The following PNPLA5 variants were observed in gnomAD, a reference collection of about 807,000 sequenced individuals.
The protein encoded by PNPLA5 is patatin-like phospholipase domain-containing protein 5.
PNPLA5 carries 44 observed loss-of-function variants against 49.1 expected under a neutral mutation model. The observed-to-expected ratio is 0.90, with a 90% CI of 0.70 to 1.15. The LOEUF is 1.15. Among genes scored for constraint, PNPLA5 ranks in the 50% most tolerant of loss-of-function variants. PNPLA5 has a pLI of 0.00. For synonymous variants in PNPLA5, 243 were observed against 244.4 expected, an observed-to-expected ratio of 0.99 and a Z score of 0.06; for missense variants, 603 against 564.0, an observed-to-expected ratio of 1.07 and a Z score of -0.70.
In PNPLA5 at chr22:43,891,307, C is replaced by A. The variant is rs900819198; in HGVS notation, c.194-13G>T. 21 of 1,548,700 alleles carry A rather than the reference C, an allele frequency of 1.4e-5. No homozygotes were observed. The Admixed American group carries it at 2.8e-4, about 21-fold the overall frequency. On this transcript the variant is annotated splice_polypyrimidine_tract_variant and intron_variant, in intron 1 of 8. Coordinates refer to ENST00000216177, the MANE Select transcript of PNPLA5 (RefSeq NM_138814.4). Reference sequence around the variant, plus strand: ...GAGCAGCAGAAGTCTGCAGTGGGGGCAGGGAAAGGGAGACCTCAGCGCCCA... The same window carrying A: ...GAGCAGCAGAAGTCTGCAGTGGGGGAAGGGAAAGGGAGACCTCAGCGCCCA...
intron 8 of PNPLA5, 79 bp from the exon 9 acceptor site, chr22:43,880,964 C>G: frequency 7.9e-7 from 1 of 1,266,976 alleles, no homozygotes; most frequent in East Asian, 3.0e-5. Flanking sequence ...GCAGGCGCAG[C>G]CACAGTGAAC....
chr22:43,886,454 C>A lies in PNPLA5; in HGVS notation c.798G>T (p.Val266=), dbSNP rs2049666081. ...CAGCCGGGGCTGGGGGTTCCTTAGA[C>A]ACCAGCGTCCATAGCACTGGTTCCT... ...LTKEPVLWTL[V]SKEPPAPADG... is the part of the protein sequence containing the mutation. The change falls in exon 6 of 9, where the codon GTG becomes GTT. Residue 266 remains valine, a synonymous_variant. Transcript: ENST00000216177. 1.9e-6 allele frequency: 3 copies of A among 1,613,954 alleles called. No individual in the cohort carries two copies. The African/African-American group carries it at 4.0e-5, about 22-fold the overall frequency.
chr22:43,891,171 G>A lies in PNPLA5; in HGVS notation c.317C>T (p.Pro106Leu), dbSNP rs367895146. ...CTGGGAGGCCAGGACGTGGGCGTCG[G>A]GGGGCAGAGCATCCTGCAGCTGCTG... is the stretch of plus-strand genomic sequence containing the variant. ...VKQQLQDALP[P>L]DAHVLASQRL... The change falls in exon 2 of 9, where the codon CCC becomes CTC. Residue 106 changes from proline to leucine, a missense_variant. Coordinates refer to ENST00000216177, the MANE Select transcript of PNPLA5 (RefSeq NM_138814.4). 1.6e-5 allele frequency: 25 copies of A among 1,599,252 alleles called. No homozygotes were observed. In the African/African-American group the frequency reaches 2.7e-4, roughly 17 times the overall value.
At chr22:43,890,930 C>T in intron 2 of PNPLA5, 132 bp downstream of exon 2, 1 of 1,226,966 alleles carries the variant, frequency 8.2e-7, no homozygotes, top group South Asian at 1.5e-5. Flanking sequence ...GTTTCCTCAC[C>T]TACAAACAGG....
At chr22:43,889,213 G>A (rs934070489) in intron 4 of PNPLA5, 116 bp downstream of exon 4, 1 of 1,155,926 alleles carries the variant, frequency 8.7e-7, no homozygotes, top group African/African-American at 1.5e-5. Context: ...CTCGGGACAT[G>A]TGTTGTAACT....
intron 3 of PNPLA5, 97 bp from the exon 4 acceptor site, chr22:43,889,635 A>C: frequency 1.3e-6 from 2 of 1,532,560 alleles, no homozygotes; most frequent in Non-Finnish European, 1.8e-6. Context: ...CTGAGTCACC[A>C]GGGCCACTCC....
chr22:43,884,499 T>G, intron 6 of PNPLA5, 154 bp from the exon 7 acceptor site: 1 of 762,870 alleles, frequency 1.3e-6, no homozygotes, highest in Non-Finnish European at 1.6e-6. Context: ...GGCCAGCAGG[T>G]AGCTCTGCGC....
Position 43,880,649 on chromosome 22 carries a change from C to T in PNPLA5, c.*146G>A, listed in dbSNP as rs926738028. The stretch of plus-strand genomic sequence containing the variant: ...TGACCGGGGACATGCTGACAGGCTG[C>T]GCCCCAAGGAACGGGCTCCAAGCTG... On this transcript the variant is annotated 3_prime_UTR_variant, in exon 9 of 9. Coordinates refer to ENST00000216177, the MANE Select transcript of PNPLA5 (RefSeq NM_138814.4). 2.0e-5 allele frequency: 15 copies of T among 746,626 alleles called. No individual in the cohort carries two copies. The highest frequency in any genetic ancestry group is 2.8e-5 in the Non-Finnish European group (15 of 543,470). 46.3% of individuals were successfully genotyped at this position (746,626 alleles called of 1,614,324 possible).
intron 2 of PNPLA5, among the ~76,000 whole-genome samples, chr22:43,890,218 G>A (rs563456892): frequency 7.2e-5 from 11 of 152,322 alleles, no homozygotes; most frequent in South Asian, 6.2e-4. Flanking sequence ...ATTAGCTGCC[G>A]TGACTGTTAT....
Position 43,886,342 on chromosome 22 carries a change from C to A in PNPLA5, c.910G>T (p.Val304Leu). Residue 304 changes from valine to leucine, a missense_variant, in exon 6 of 9, where the codon GTA becomes TTA. Physicochemically the swap from Val to Leu is conservative, Grantham distance 32 (BLOSUM62 1). Transcript: ENST00000216177. ...GGTGAGAGCTGCTCAAAGTTGGGTA[C>A]ATCCTTGACTTGCACATGGGGCACT... ...WKVPHVQVKD[V>L]PNFEQLSPEL... 6.2e-7 allele frequency: 1 copy of A among 1,614,116 alleles called. No individual in the cohort carries two copies. The highest frequency in any genetic ancestry group is 1.6e-4 in the Middle Eastern group (1 of 6,062).
At chr22:43,882,030 C>G (rs2049615871) in intron 7 of PNPLA5, among the ~76,000 whole-genome samples, 1 of 152,170 alleles carries the variant, frequency 6.6e-6, no homozygotes, top group Non-Finnish European at 1.5e-5. Context: ...GCTGGGTGAC[C>G]TGCACAGGTC....
At chr22:43,890,699 G>C (rs777799736) in intron 2 of PNPLA5, among the ~76,000 whole-genome samples, 1 of 152,196 alleles carries the variant, frequency 6.6e-6, no homozygotes, top group African/African-American at 2.4e-5. Context: ...ATAGTGACTG[G>C]CACATAATAG....
chr22:43,890,994 C>G, intron 2 of PNPLA5, 68 bp downstream of exon 2: 2 of 1,550,776 alleles, frequency 1.3e-6, no homozygotes, highest in Non-Finnish European at 1.7e-6. Flanking sequence ...GGGGAAGTAC[C>G]TGGATGTCAC....
Position 43,881,646 on chromosome 22 carries a change from C to T in PNPLA5, c.1111G>A (p.Ala371Thr). The change falls in exon 8 of 9, where the codon GCG becomes ACG. Residue 371 changes from alanine (A) to threonine (T), a missense_variant. By Grantham distance (58) the Ala-to-Thr change is moderately conservative. Coordinates refer to ENST00000216177, the MANE Select transcript of PNPLA5 (RefSeq NM_138814.4). ...RLVVWLPDVP[A>T]DLWWMQGLLR... ...AGGCCCTGCATCCACCACAAGTCCG[C>T]CGGCACATCGGGCAGCCACACCACC... is the stretch of plus-strand genomic sequence containing the variant. The T allele has an allele frequency of 6.2e-7, 1 of 1,613,756 alleles. No individual in the cohort carries two copies. The highest frequency in any genetic ancestry group is 1.1e-5 in the South Asian group (1 of 91,032).
chr22:43,887,639 T>C lies in PNPLA5; in HGVS notation c.715A>G (p.Asn239Asp), dbSNP rs1485786221. 6.2e-7 allele frequency: 1 copy of C among 1,605,198 alleles called. No individual in the cohort carries two copies. The highest frequency in any genetic ancestry group is 8.5e-7 in the Non-Finnish European group (1 of 1,175,314). ...GCATCCAGGTAGCCTTGTCTGCAGT[T>C]GTCGGCCACTACCTGCCAACACACA... ...IPPSLEVVAD[N>D]CRQGYLDALR... The change falls in exon 5 of 9, where the codon AAC (asparagine) becomes GAC (aspartate). Residue 239 changes from asparagine to aspartate, a missense_variant. Physicochemically the swap from Asn to Asp is conservative, Grantham distance 23 (BLOSUM62 1). Transcript: ENST00000216177.
intron 8 of PNPLA5, 50 bp downstream of exon 8, chr22:43,881,507 TC>T: frequency 2.0e-6 from 3 of 1,502,564 alleles, no homozygotes; most frequent in Non-Finnish European, 1.8e-6. Flanking sequence ...GCTGGTGCGT[TC>T]CCCCCAGCAC....
chr22:43,887,695 C>T (rs2049680368), intron 4 of PNPLA5, 44 bp from the exon 5 acceptor site: 3 of 1,571,926 alleles, frequency 1.9e-6, no homozygotes, highest in Non-Finnish European at 2.6e-6. Flanking sequence ...AGGCCTGGAC[C>T]TACCCCTCGA....
chr22:43,886,575 C>G, intron 5 of PNPLA5, 87 bp from the exon 6 acceptor site: 3 of 1,507,152 alleles, frequency 2.0e-6, no homozygotes, highest in Non-Finnish European at 2.6e-6. Context: ...GAGCCCAAAC[C>G]CAGTTCTGGG....
intron 7 of PNPLA5, among the ~76,000 whole-genome samples, chr22:43,883,970 G>A (rs962816958): frequency 1.8e-4 from 27 of 152,206 alleles, no homozygotes; most frequent in African/African-American, 6.5e-4. Flanking sequence ...CCAGGAGGCC[G>A]ACCAGGAAGC....
Sources: gnomAD v4.1 joint callset for allele counts (sites outside exome capture counted in the v4.1 genomes callset) on GRCh38, gnomAD v4.1.1 for gene constraint, MANE v1.5 for transcripts, NCBI Gene and HGNC (gene_info 2026-07-23, HGNC 2026-07-21) for gene names.